The following NKAIN3 variants were observed in gnomAD, a reference collection of about 807,000 sequenced individuals.
NKAIN3 encodes the protein sodium/potassium transporting ATPase interacting 3.
NKAIN3 carries 25 observed loss-of-function variants against 30.2 expected under a neutral mutation model. That is an observed-to-expected ratio of 0.83 (90% confidence interval 0.60 to 1.16). The LOEUF (loss-of-function observed/expected upper bound fraction) is 1.16. NKAIN3 is among the 50% of genes most tolerant of loss of function. The probability of loss-of-function intolerance (pLI) is 0.00; values close to 1 mark genes in which losing one functional copy is unlikely to be tolerated. For synonymous variants in NKAIN3, 91 were observed against 89.6 expected, an observed-to-expected ratio of 1.02 and a Z score of -0.09; for missense variants, 225 against 254.1, an observed-to-expected ratio of 0.89 and a Z score of 0.78.
chr8:62,427,404 T>C, intron 1 of NKAIN3, among the ~76,000 whole-genome samples: 1 of 151,996 alleles, frequency 6.6e-6, no homozygotes, highest in African/African-American at 2.4e-5. Context: ...TCCCCTACTG[T>C]CTGACTGTGG....
chr8:62,497,859 G>C (rs930709408), intron 1 of NKAIN3, among the ~76,000 whole-genome samples: 2 of 152,066 alleles, frequency 1.3e-5, no homozygotes, highest in African/African-American at 4.8e-5. Flanking sequence ...GCCAGGTTGG[G>C]TTTATAAGCT....
chr8:62,292,046 C>G (rs900616653), intron 1 of NKAIN3, among the ~76,000 whole-genome samples: 6 of 152,088 alleles, frequency 3.9e-5, no homozygotes, highest in Non-Finnish European at 5.9e-5. Flanking sequence ...TTATCAGAGA[C>G]TAGGATTACA....
At chr8:62,609,142 A>G (rs1298248472) in intron 3 of NKAIN3, among the ~76,000 whole-genome samples, 1 of 152,088 alleles carries the variant, frequency 6.6e-6, no homozygotes, top group Non-Finnish European at 1.5e-5. Context: ...TACCTTTAGA[A>G]ACTCCCTACT....
chr8:62,785,681 G>C (rs1270059739), intron 4 of NKAIN3, among the ~76,000 whole-genome samples: 1 of 152,054 alleles, frequency 6.6e-6, no homozygotes, highest in Non-Finnish European at 1.5e-5. Context: ...CGAACATCCA[G>C]AAATACAGTC....
At chr8:62,252,389 A>G (rs139813534) in intron 1 of NKAIN3, among the ~76,000 whole-genome samples, 5 of 152,248 alleles carry the variant, frequency 3.3e-5, no homozygotes, top group African/African-American at 9.6e-5. Context: ...TGTCTGAACT[A>G]CTGTCTGGAG....
At chr8:62,944,123 AC>A (rs1413301691) in intron 5 of NKAIN3, among the ~76,000 whole-genome samples, 1 of 152,112 alleles carries the variant, frequency 6.6e-6, no homozygotes, top group Admixed American at 6.6e-5. Context: ...TACCCATGTA[AC>A]CAAACGCCAC....
intron 1 of NKAIN3, among the ~76,000 whole-genome samples, chr8:62,262,305 A>C (rs1429852343): frequency 6.6e-6 from 1 of 152,204 alleles, no homozygotes; most frequent in Non-Finnish European, 1.5e-5. Context: ...CAAAAGAATG[A>C]AATGCAAGCT....
intron 1 of NKAIN3, among the ~76,000 whole-genome samples, chr8:62,467,543 T>A (rs1266558363): frequency 6.6e-6 from 1 of 152,176 alleles, no homozygotes; most frequent in Non-Finnish European, 1.5e-5. Flanking sequence ...TAACAAAGCA[T>A]CACACTTTTC....
chr8:62,985,160 A>C (rs1824177865), downstream of NKAIN3, among the ~76,000 whole-genome samples: 1 of 152,224 alleles, frequency 6.6e-6, no homozygotes, highest in African/African-American at 2.4e-5. Flanking sequence ...CCCACTGCAG[A>C]CAGCTGCTCT....
At chr8:62,539,955 C>T (rs1196031976) in intron 1 of NKAIN3, among the ~76,000 whole-genome samples, 4 of 152,184 alleles carry the variant, frequency 2.6e-5, no homozygotes, top group Non-Finnish European at 5.9e-5. Context: ...ATGATCTATG[C>T]ATTGCTTCAC....
intron 3 of NKAIN3, among the ~76,000 whole-genome samples, chr8:62,681,229 G>A (rs1813634509): frequency 6.6e-6 from 1 of 152,144 alleles, no homozygotes; most frequent in Non-Finnish European, 1.5e-5. Flanking sequence ...AATTGTGTTT[G>A]TAACTGCAGT....
chr8:62,877,773 G>C (rs1322913215), intron 4 of NKAIN3, among the ~76,000 whole-genome samples: 1 of 152,120 alleles, frequency 6.6e-6, no homozygotes, highest in Non-Finnish European at 1.5e-5. Flanking sequence ...AGGCGCAGTG[G>C]CTCACACCTG....
At chr8:62,997,574 G>A (rs1033060269) in intron 5 of NKAIN3, among the ~76,000 whole-genome samples, 2 of 152,126 alleles carry the variant, frequency 1.3e-5, no homozygotes, top group Admixed American at 1.3e-4. Context: ...AAGAGCCTGG[G>A]TTTTCAGAGT....
intron 3 of NKAIN3, among the ~76,000 whole-genome samples, chr8:62,633,280 A>G (rs1381715534): frequency 1.3e-5 from 2 of 152,096 alleles, no homozygotes; most frequent in Non-Finnish European, 2.9e-5. Context: ...ATTCACCCTC[A>G]CCTTATTTTC....
intron 1 of NKAIN3, among the ~76,000 whole-genome samples, chr8:62,283,291 TG>T (rs1282464337): frequency 6.7e-5 from 10 of 148,666 alleles, no homozygotes; most frequent in Non-Finnish European, 1.0e-4. Flanking sequence ...TTTTTTTTTT[TG>T]AGTTTCTAAA....
chr8:62,902,040 C>CA (rs1275857026), intron 4 of NKAIN3, among the ~76,000 whole-genome samples: 1 of 152,186 alleles, frequency 6.6e-6, no homozygotes, highest in Non-Finnish European at 1.5e-5. Flanking sequence ...TGGTGCCTGA[C>CA]TGCCTAAGCA....
intron 3 of NKAIN3, among the ~76,000 whole-genome samples, chr8:62,732,723 T>C (rs1454396359): frequency 6.6e-6 from 1 of 152,052 alleles, no homozygotes; most frequent in African/African-American, 2.4e-5. Context: ...TTTTCACAGT[T>C]TTTTTATTAT....
intron 1 of NKAIN3, among the ~76,000 whole-genome samples, chr8:62,427,909 C>A: frequency 6.6e-6 from 1 of 151,698 alleles, no homozygotes; most frequent in East Asian, 1.9e-4. Context: ...CCATAGTTTC[C>A]CTATTGTGCT....
intron 1 of NKAIN3, among the ~76,000 whole-genome samples, chr8:62,430,748 A>G (rs1055926083): frequency 6.6e-6 from 1 of 151,934 alleles, no homozygotes; most frequent in African/African-American, 2.4e-5. Flanking sequence ...ATCAACCCAG[A>G]TGATTAAAAT....
Sources: allele counts gnomAD v4.1 joint callset (sites outside exome capture counted in the v4.1 genomes callset), GRCh38; gene constraint gnomAD v4.1.1; transcripts MANE v1.5; gene names NCBI Gene and HGNC (gene_info 2026-07-23, HGNC 2026-07-21).